DPP6: variants seen among roughly 807,000 people sequenced by gnomAD.
DPP6 encodes the protein dipeptidyl peptidase like 6, also known as A-type potassium channel modulatory protein DPP6.
DPP6 carries 69 observed loss-of-function variants against 122.6 expected under a neutral mutation model. The observed-to-expected ratio is 0.56, with a 90% CI of 0.46 to 0.69. The LOEUF (loss-of-function observed/expected upper bound fraction) is 0.69. Ranked by LOEUF, DPP6 falls within the 30% of genes least tolerant of loss-of-function variation. The pLI is 0.00. For synonymous variants in DPP6, 418 were observed against 433.1 expected, an observed-to-expected ratio of 0.97 and a Z score of 0.43; for missense variants, 928 against 1,116.9, an observed-to-expected ratio of 0.83 and a Z score of 2.41.
chr7:154,707,964 C>A (rs1040312506), intron 7 of DPP6, among the ~76,000 whole-genome samples: 2 of 152,162 alleles, frequency 1.3e-5, no homozygotes, highest in Admixed American at 1.3e-4. Context: ...ACCATGTCAT[C>A]CTCTATCCAT....
At chr7:153,949,390 C>T (rs1248765460) in intron 1 of DPP6, among the ~76,000 whole-genome samples, 7 of 152,168 alleles carry the variant, frequency 4.6e-5, no homozygotes, top group African/African-American at 7.2e-5. Context: ...TTTCCAGTCT[C>T]GGAGATGCTT....
intron 1 of DPP6, among the ~76,000 whole-genome samples, chr7:153,946,476 G>A (rs1259218839): frequency 6.6e-6 from 1 of 152,094 alleles, no homozygotes; most frequent in Non-Finnish European, 1.5e-5. Context: ...CAAGCAGTGA[G>A]GGGTCACTTT....
intron 10 of DPP6, among the ~76,000 whole-genome samples, chr7:154,791,041 C>G (rs1041458526): frequency 1.1e-4 from 17 of 152,082 alleles, no homozygotes. Flanking sequence ...TACTTGAGGT[C>G]AGGAACTTGA....
chr7:154,844,022 A>T (rs2150558009), intron 16 of DPP6, among the ~76,000 whole-genome samples: 1 of 152,352 alleles, frequency 6.6e-6, no homozygotes. Flanking sequence ...TTGTTGAATT[A>T]CATGCAAAGT....
At chr7:154,689,107 A>G (rs1839794412) in intron 7 of DPP6, among the ~76,000 whole-genome samples, 2 of 152,216 alleles carry the variant, frequency 1.3e-5, no homozygotes, top group African/African-American at 4.8e-5. Flanking sequence ...TCCACTCTCC[A>G]GAACCACCCA....
intron 1 of DPP6, among the ~76,000 whole-genome samples, chr7:154,391,084 TG>T (rs1442402666): frequency 6.6e-6 from 1 of 152,000 alleles, no homozygotes; most frequent in East Asian, 1.9e-4. Flanking sequence ...GTGCCATCCC[TG>T]GGCTGCAGCG....
Position 154,501,591 on chromosome 7 carries a change from G to T in DPP6, c.457+26554G>T, listed in dbSNP as rs1825253378. On this transcript the variant is annotated intron_variant, in intron 3 of 25. Coordinates refer to ENST00000377770, the MANE Select transcript of DPP6 (RefSeq NM_130797.4). ...GTCTTGGCTGCTTCCACATGGTATT[G>T]AGCCTGTGGGTGCACAGAAGTCAAG... is the stretch of plus-strand genomic sequence containing the variant. Among the ~76,000 whole-genome samples the T allele has an allele frequency of 2.6e-5, 4 of 152,198 alleles. No homozygotes were observed. The South Asian group carries it at 8.3e-4, about 31-fold the overall frequency.
At chr7:154,429,195 C>G (rs1167615992) in intron 1 of DPP6, among the ~76,000 whole-genome samples, 3 of 119,522 alleles carry the variant, frequency 2.5e-5, no homozygotes, top group South Asian at 2.7e-4. Context: ...AAAAAAAAAG[C>G]ATAATTTGTC....
intron 1 of DPP6, among the ~76,000 whole-genome samples, chr7:154,373,922 T>C (rs559318255): frequency 6.6e-6 from 1 of 152,330 alleles, no homozygotes; most frequent in African/African-American, 2.4e-5. Flanking sequence ...TAGCATAACA[T>C]CCTCCAGGTT....
chr7:154,426,808 TAA>T (rs34741334), intron 1 of DPP6, among the ~76,000 whole-genome samples: 7,403 of 109,458 alleles, frequency 0.068, 530 homozygotes, highest in East Asian at 0.28. Context: ...TACTCTGCCT[TAA>T]AAAAAAAAAA....
In DPP6 at chr7:154,875,133, A is replaced by AAG. The variant is rs979308386; in HGVS notation, c.1884-761_1884-760dup. 1.3e-5 allele frequency among the ~76,000 whole-genome samples: 2 copies of AAG among 151,814 alleles called. No homozygotes were observed. Among genetic ancestry groups the AAG allele is most frequent in the Admixed American group, 6.6e-5 (1 of 15,260 alleles). ...GAAAAAAAAAGAAGAAAAGAAAAGA[A>AAG]AGAGAGAGAGAGAAGGAAAGAAGGA... On this transcript the variant is annotated intron_variant, in intron 19 of 25. Transcript: ENST00000377770. The surrounding 1 kb of genome is among the most constrained non-coding windows in gnomAD (Gnocchi z 4.5).
At chr7:154,860,479 G>T (rs62473910) in intron 17 of DPP6, among the ~76,000 whole-genome samples, 13,638 of 152,268 alleles carry the variant, frequency 0.09, 975 homozygotes, top group East Asian at 0.4. Context: ...GGCCATGGTG[G>T]AAAGGATGAG....
chr7:154,325,478 C>T (rs1264253121), intron 1 of DPP6, among the ~76,000 whole-genome samples: 1 of 152,176 alleles, frequency 6.6e-6, no homozygotes, highest in African/African-American at 2.4e-5. Flanking sequence ...ATTTCAAATA[C>T]AAGCTGGGTC....
At chr7:154,641,984 G>A (rs1233696004) in intron 6 of DPP6, among the ~76,000 whole-genome samples, 1 of 152,128 alleles carries the variant, frequency 6.6e-6, no homozygotes, top group Non-Finnish European at 1.5e-5. Flanking sequence ...AATTGTAGTT[G>A]ACTTTTTAAA....
the DPP6 span, among the ~76,000 whole-genome samples, chr7:153,829,419 T>C: frequency 6.6e-6 from 1 of 152,136 alleles, no homozygotes; most frequent in Admixed American, 6.5e-5. Context: ...TTTCACCATG[T>C]TGGTCAGGCT....
chr7:154,109,774 A>G (rs1163375178), intron 1 of DPP6, among the ~76,000 whole-genome samples: 1 of 142,196 alleles, frequency 7.0e-6, no homozygotes, highest in East Asian at 2.0e-4. Flanking sequence ...TTTGTCCCCC[A>G]GTGGAGGGCA....
At chr7:154,795,148 C>T (rs1165946253) in intron 11 of DPP6, among the ~76,000 whole-genome samples, 1 of 152,074 alleles carries the variant, frequency 6.6e-6, no homozygotes. Flanking sequence ...GGCTTGTAAT[C>T]TCCAACTTCT....
chr7:154,820,968 A>T (rs1014198777), intron 16 of DPP6, among the ~76,000 whole-genome samples: 3 of 152,190 alleles, frequency 2.0e-5, no homozygotes, highest in Non-Finnish European at 4.4e-5. Context: ...TGAACCAACT[A>T]ATTAAATATA....
the DPP6 span, among the ~76,000 whole-genome samples, chr7:153,825,281 T>C: frequency 6.6e-6 from 1 of 152,124 alleles, no homozygotes; most frequent in Non-Finnish European, 1.5e-5. Flanking sequence ...GAGACCCCCT[T>C]TAAGGAGGAC....
Sources: gnomAD v4.1 joint callset for allele counts (sites outside exome capture counted in the v4.1 genomes callset) on GRCh38, gnomAD v4.1.1 for gene constraint, Gnocchi (gnomAD v3.1) non-coding constraint, MANE v1.5 for transcripts, NCBI Gene and HGNC (gene_info 2026-07-23, HGNC 2026-07-21) for gene names.